Variants in DAB1 observed in about 807,000 individuals in gnomAD.
The protein encoded by DAB1 is disabled homolog 1.
DAB1 carries 15 observed loss-of-function variants against 64.6 expected under a neutral mutation model. That is an observed-to-expected ratio of 0.23 (90% CI 0.16 to 0.36). The LOEUF (loss-of-function observed/expected upper bound fraction) is 0.36, where lower values mean the gene tolerates loss of function less well. Among genes scored for constraint, DAB1 ranks in the 10% least tolerant of loss-of-function variants. DAB1 has a pLI of 1.00. For synonymous variants in DAB1, 235 were observed against 251.9 expected (o/e 0.93, Z 0.64); for missense variants, 596 against 706.7 (o/e 0.84, Z 1.78).
chr1:58,444,586 A>C (rs1020064918), intron 3 of DAB1, among the ~76,000 whole-genome samples: 1 of 152,218 alleles, frequency 6.6e-6, no homozygotes, highest in Admixed American at 6.5e-5. Flanking sequence ...CACCATCAGC[A>C]TTTACTGCAA....
chr1:57,056,504 CAAAAAAAAA>C (rs71051216), intron 9 of DAB1, among the ~76,000 whole-genome samples: 1 of 87,030 alleles, frequency 1.1e-5, no homozygotes, highest in Admixed American at 1.4e-4. Flanking sequence ...GAGCCTGTCT[CAAAAAAAAA>C]AAAAAAAGAA....
chr1:57,929,939 C>T (rs1033219460), intron 5 of DAB1, among the ~76,000 whole-genome samples: 1 of 152,166 alleles, frequency 6.6e-6, no homozygotes, highest in African/African-American at 2.4e-5. Context: ...GTGCCCTTCC[C>T]AATATTCCAC....
chr1:58,470,759 C>T (rs1645348704), intron 3 of DAB1, among the ~76,000 whole-genome samples: 1 of 152,160 alleles, frequency 6.6e-6, no homozygotes, highest in South Asian at 2.1e-4. Flanking sequence ...GGCTCTCCTT[C>T]CAGCGACCTT....
At chr1:57,656,613 C>A (rs981511286) in intron 6 of DAB1, among the ~76,000 whole-genome samples, 3 of 152,144 alleles carry the variant, frequency 2.0e-5, no homozygotes, top group Non-Finnish European at 2.9e-5. Flanking sequence ...TCAAGCACAG[C>A]TCCCAAAAAA....
At chr1:57,195,416 A>C (rs1225100100) in intron 2 of DAB1, among the ~76,000 whole-genome samples, 1 of 152,238 alleles carries the variant, frequency 6.6e-6, no homozygotes, top group Non-Finnish European at 1.5e-5. Flanking sequence ...AATACTTCAG[A>C]TATACAAGGC....
At chr1:57,430,872 C>G (rs1459200629) in intron 7 of DAB1, among the ~76,000 whole-genome samples, 1 of 149,422 alleles carries the variant, frequency 6.7e-6, no homozygotes, top group Non-Finnish European at 1.5e-5. Context: ...ATTGTTTACT[C>G]TATACCAGGC....
intron 5 of DAB1, among the ~76,000 whole-genome samples, chr1:58,150,358 A>C (rs1455193142): frequency 6.6e-6 from 1 of 152,204 alleles, no homozygotes; most frequent in Non-Finnish European, 1.5e-5. Flanking sequence ...AGTTTAAATA[A>C]GCATCTCCTT....
chr1:58,066,367 T>C (rs1648854247), intron 5 of DAB1, among the ~76,000 whole-genome samples: 1 of 152,238 alleles, frequency 6.6e-6, no homozygotes, highest in African/African-American at 2.4e-5. Flanking sequence ...ATTGATTTGT[T>C]AGGCTTAAAA....
intron 4 of DAB1, among the ~76,000 whole-genome samples, chr1:57,119,469 C>T (rs1656442539): frequency 1.3e-5 from 2 of 152,072 alleles, no homozygotes; most frequent in Non-Finnish European, 2.9e-5. Context: ...ATCAATTACC[C>T]TGACAGTTAT....
chr1:57,947,542 T>G (rs148248902), intron 5 of DAB1, among the ~76,000 whole-genome samples: 7 of 152,194 alleles, frequency 4.6e-5, no homozygotes, highest in Admixed American at 3.9e-4. Flanking sequence ...CAACCAAAAG[T>G]ATTCTAGACC....
chr1:57,544,718 C>T (rs540168858), intron 7 of DAB1, among the ~76,000 whole-genome samples: 1 of 152,130 alleles, frequency 6.6e-6, no homozygotes, highest in Non-Finnish European at 1.5e-5. Flanking sequence ...GTGGTTACCC[C>T]CATGCTGCTA....
At chr1:58,508,467 C>T (rs1267743806) in intron 2 of DAB1, among the ~76,000 whole-genome samples, 1 of 152,116 alleles carries the variant, frequency 6.6e-6, no homozygotes, top group African/African-American at 2.4e-5. Flanking sequence ...TGCACAAGTA[C>T]GAAATGAACA....
At chr1:58,457,002 G>C (rs1166360618) in intron 3 of DAB1, among the ~76,000 whole-genome samples, 1 of 152,206 alleles carries the variant, frequency 6.6e-6, no homozygotes, top group South Asian at 2.1e-4. Context: ...AGAAGGAGCA[G>C]AGCCAGGGTT....
chr1:57,725,062 T>A (rs1387342668), intron 6 of DAB1, among the ~76,000 whole-genome samples: 2 of 152,314 alleles, frequency 1.3e-5, no homozygotes, highest in East Asian at 3.9e-4. Flanking sequence ...GACAGCATAG[T>A]ACAGTGGTCA....
intron 7 of DAB1, among the ~76,000 whole-genome samples, chr1:57,541,895 A>G (rs1644807014): frequency 1.3e-5 from 2 of 152,170 alleles, no homozygotes; most frequent in Admixed American, 1.3e-4. Flanking sequence ...CTAAGGTTGC[A>G]CAGCTCCTAA....
intron 4 of DAB1, among the ~76,000 whole-genome samples, chr1:58,259,279 C>T (rs1193452647): frequency 6.6e-6 from 1 of 152,170 alleles, no homozygotes; most frequent in Admixed American, 6.5e-5. Flanking sequence ...GACAGGATTT[C>T]ATGAGAAGTT....
chr1:58,189,961 T>C (rs969168515), intron 4 of DAB1, among the ~76,000 whole-genome samples: 1 of 152,176 alleles, frequency 6.6e-6, no homozygotes, highest in African/African-American at 2.4e-5. Flanking sequence ...TCCTTTTTCC[T>C]TTCCTCACTC....
In DAB1 at chr1:58,488,169, A is replaced by G. The variant is rs562417480; in HGVS notation, n.257+17891T>C. ...ATATAACTACATCATTATAAAGTTC[A>G]TTGATTACAAGCCATCCTCTTATTG... On this transcript the variant is annotated intron_variant and non_coding_transcript_variant, in intron 3 of 20. Coordinates refer to the DAB1 transcript ENST00000485760. Among the ~76,000 whole-genome samples the G allele has an allele frequency of 4.6e-5, 7 of 152,276 alleles. No individual in the cohort carries two copies. The South Asian group carries it at 1.0e-3, about 23-fold the overall frequency.
intron 1 of DAB1, among the ~76,000 whole-genome samples, chr1:57,314,779 C>T (rs1256605521): frequency 6.6e-6 from 1 of 150,964 alleles, no homozygotes; most frequent in African/African-American, 2.4e-5. Context: ...AACACACACA[C>T]ACACACAAAG....
Sources: allele counts gnomAD v4.1 joint callset (sites outside exome capture counted in the v4.1 genomes callset), GRCh38; gene constraint gnomAD v4.1.1; transcripts MANE v1.5; gene names NCBI Gene and HGNC (gene_info 2026-07-23, HGNC 2026-07-21).